Variants in USP19 observed in about 807,000 individuals in gnomAD.
The protein encoded by USP19 is ubiquitin specific peptidase 19.
USP19 carries 40 observed loss-of-function variants against 144.8 expected under a neutral mutation model. The ratio of observed to expected loss-of-function variants is 0.28; its 90% CI spans 0.21 to 0.36. The LOEUF (loss-of-function observed/expected upper bound fraction) is 0.36, where lower values mean the gene tolerates loss of function less well. Among genes scored for constraint, USP19 ranks in the 10% least tolerant of loss-of-function variants. USP19 has a pLI of 1.00. For synonymous variants in USP19, 701 were observed against 709.3 expected, an observed-to-expected ratio of 0.99 and a Z score of 0.19; for missense variants, 1,518 against 1,822.5, an observed-to-expected ratio of 0.83 and a Z score of 3.04.
In USP19 at chr3:49,114,621, A is replaced by C. The variant is rs561284533; in HGVS notation, c.2292+142T>G. The C allele has an allele frequency of 1.1e-6, 1 of 883,312 alleles. No homozygotes were observed. Among genetic ancestry groups the C allele is most frequent in the Admixed American group, 2.6e-5 (1 of 39,044 alleles). 54.7% of individuals were successfully genotyped at this position (883,312 alleles called of 1,614,324 possible). The stretch of plus-strand genomic sequence containing the variant: ...ACCCTGAGTGGGCTCTTCAGCCCAA[A>C]TAGAATCCTAAGGCCTCCCTGCCAG... On this transcript the variant is annotated intron_variant, in intron 15 of 26. Transcript: ENST00000417901. This position sits in a 1 kb window ranked among gnomAD's most constrained non-coding sequence, Gnocchi z 4.5.
intron 1 of USP19, among the ~76,000 whole-genome samples, chr3:49,119,802 C>T (rs959304405): frequency 2.6e-5 from 4 of 152,204 alleles, no homozygotes; most frequent in Admixed American, 2.6e-4. Context: ...GGCACTCCAC[C>T]TGCCTCCTGC....
chr3:49,111,168 TG>T lies in USP19; in HGVS notation c.3329-3del. The T allele has an allele frequency of 6.2e-7, 1 of 1,613,936 alleles. No homozygotes were observed. The highest frequency in any genetic ancestry group is 8.5e-7 in the Non-Finnish European group (1 of 1,180,034). ...CACCCAGCTCCAGTGGGGTGTCTCC[TG>T]GAGATTCGCAGGGAGAGAGGTCATG... On this transcript the variant is annotated splice_polypyrimidine_tract_variant and splice_region_variant and intron_variant, in intron 22 of 26. Coordinates refer to ENST00000417901, the MANE Select transcript of USP19 (RefSeq NM_001199161.2). The surrounding 1 kb of genome is among the most constrained non-coding windows in gnomAD (Gnocchi z 5.9).
chr3:49,108,843 T>C lies in USP19; in HGVS notation c.4039-315A>G. ...CAGGGGCCACAACCTCCCCACCCTC[T>C]CCCACCAGATGCATAAGCTGAGGCC... is the stretch of plus-strand genomic sequence containing the variant. On this transcript the variant is annotated intron_variant, in intron 26 of 26. Coordinates refer to ENST00000417901, the MANE Select transcript of USP19 (RefSeq NM_001199161.2). This position sits in a 1 kb window ranked among gnomAD's most constrained non-coding sequence, Gnocchi z 4.8. The C allele has an allele frequency of 1.4e-6, 2 of 1,456,518 alleles. No homozygotes were observed. The allele number at this position is 1,456,518 out of a possible 1,614,324, so 90.2% of individuals were successfully genotyped here.
chr3:49,108,964 C>A lies in USP19; in HGVS notation c.4039-436G>T. ...CAGCTGCCTGCAGGCGAGCTCATCTCCAGCGACTCTGGGATACCAGAGGAT... is the reference window on the plus strand; with the variant it reads ...CAGCTGCCTGCAGGCGAGCTCATCTACAGCGACTCTGGGATACCAGAGGAT... On this transcript the variant is annotated intron_variant, in intron 26 of 26. Transcript: ENST00000417901. The surrounding 1 kb of genome is among the most constrained non-coding windows in gnomAD (Gnocchi z 4.8). The A allele has an allele frequency of 1.2e-6, 2 of 1,609,336 alleles. No homozygotes were observed. Among genetic ancestry groups the A allele is most frequent in the Admixed American group, 1.7e-5 (1 of 59,434 alleles).
rs375228970 is a variant in USP19, at chr3:49,116,656, T to A, written c.1127-49A>T. ...CCCAACCAGGACAGGTTCCAGCCTA[T>A]TGCTACTCTCTATCCACCTACAAAC... On this transcript the variant is annotated intron_variant, in intron 7 of 26. Transcript: ENST00000417901. This position sits in a 1 kb window ranked among gnomAD's most constrained non-coding sequence, Gnocchi z 5.0. 18 of 1,611,994 alleles carry A rather than the reference T, an allele frequency of 1.1e-5. No individual in the cohort carries two copies. Among genetic ancestry groups the A allele is most frequent in the Non-Finnish European group, 1.4e-5 (16 of 1,178,740 alleles).
Position 49,110,292 on chromosome 3 carries a change from A to G in USP19, c.3930T>C (p.Tyr1310=). Residue 1310 remains tyrosine, a synonymous_variant, in exon 26 of 27, where the codon TAT becomes TAC. Transcript: ENST00000417901. This position sits in a 1 kb window ranked among gnomAD's most constrained non-coding sequence, Gnocchi z 6.1. ...AGTTCCGCCGGCGGTAGAAGAGTAC[A>G]TAGGCATAACGCGTCACAACCTGGC... The part of the protein sequence containing the change: ...DESQVVTRYA[Y]VLFYRRRNSP... 1.2e-6 allele frequency: 2 copies of G among 1,608,638 alleles called. No homozygotes were observed. The highest frequency in any genetic ancestry group is 2.2e-5 in the East Asian group (1 of 44,778).
chr3:49,118,088 G>T lies in USP19; in HGVS notation c.157C>A (p.Leu53Ile). 6.7e-7 allele frequency: 1 copy of T among 1,501,454 alleles called. No homozygotes were observed. Among genetic ancestry groups the T allele is most frequent in the South Asian group, 1.2e-5 (1 of 85,186 alleles). The allele number at this position is 1,501,454 out of a possible 1,614,324, so 93.0% of individuals were successfully genotyped here. Residue 53 changes from leucine (L) to isoleucine (I), a missense_variant, in exon 3 of 27, where the codon CTT becomes ATT. Coordinates refer to ENST00000417901, the MANE Select transcript of USP19 (RefSeq NM_001199161.2). ...GGATCACCTGAGGCCAGAGGTTCAAGACCAGCCTGGGCAACATATCGAGAC... is the reference window on the plus strand; with the variant it reads ...GGATCACCTGAGGCCAGAGGTTCAATACCAGCCTGGGCAACATATCGAGAC... The part of the protein sequence containing the change: ...TGSRYVAQAG[L>I]EPLASGDPSA...
chr3:49,116,282 G>A lies in USP19; in HGVS notation c.1353C>T (p.Leu451=), dbSNP rs1237567844. The A allele has an allele frequency of 7.4e-6, 12 of 1,613,796 alleles. No homozygotes were observed. The highest frequency in any genetic ancestry group is 8.5e-6 in the Non-Finnish European group (10 of 1,179,922). ...TGGTGGGGCCGGGCACCACCCACCT[G>A]AGCTTCACCTGCCAACGGAAGGTGG... ...PHTTFRWQVK[L]RNLIEPEQCT... is the part of the protein sequence containing the mutation. The change falls in exon 9 of 27, where the codon CTC becomes CTT. Residue 451 remains leucine (L), a splice_region_variant and synonymous_variant. Transcript: ENST00000417901. This position sits in a 1 kb window ranked among gnomAD's most constrained non-coding sequence, Gnocchi z 5.0.
At position 49,116,589 on chromosome 3, in the gene USP19, T is replaced by C. The variant is rs1166971653; in HGVS notation, c.1145A>G (p.Asn382Ser). The change falls in exon 8 of 27, where the codon AAC (asparagine) becomes AGC (serine). Residue 382 changes from asparagine to serine, a missense_variant. By Grantham distance (46) the Asn-to-Ser change is conservative. Transcript: ENST00000417901. This position sits in a 1 kb window ranked among gnomAD's most constrained non-coding sequence, Gnocchi z 5.0. ...TLVDEPESMV[N>S]LAFVKNDSYE... is the part of the protein sequence containing the mutation. ...CGAGTCATTCTTGACAAACGCCAGGTTCACCATCGACTCGGGCTCTATATT... is the reference window on the plus strand; with the variant it reads ...CGAGTCATTCTTGACAAACGCCAGGCTCACCATCGACTCGGGCTCTATATT... 1.2e-5 allele frequency: 19 copies of C among 1,613,940 alleles called. No individual in the cohort carries two copies. Among genetic ancestry groups the C allele is most frequent in the Non-Finnish European group, 1.4e-5 (16 of 1,180,020 alleles).
Position 49,117,348 on chromosome 3 carries a change from C to A in USP19, c.620G>T (p.Gly207Val). 2 of 1,594,588 alleles carry A rather than the reference C, an allele frequency of 1.3e-6. No homozygotes were observed. Among genetic ancestry groups the A allele is most frequent in the Non-Finnish European group, 1.7e-6 (2 of 1,167,528 alleles). ...CAGCCCCGGCACCAGCTCCTGGGTC[C>A]CTAGAGGTTTCTTCTGCCAAAGATA... Reference protein sequence around the residue: ...TWPSLLKKPLGTQELVPGLRC... With the variant: ...TWPSLLKKPLVTQELVPGLRC... The change falls in exon 6 of 27, where the codon GGG (glycine) becomes GTG (valine). Residue 207 changes from glycine to valine, a missense_variant. Physicochemically the swap from Gly to Val is moderately radical, Grantham distance 109. Around this residue, in one of 5 missense-constraint regions of USP19, gnomAD observed 707 missense variants for 728.9 expected, o/e 0.97. Coordinates refer to ENST00000417901, the MANE Select transcript of USP19 (RefSeq NM_001199161.2). This position sits in a 1 kb window ranked among gnomAD's most constrained non-coding sequence, Gnocchi z 4.4.
In USP19 at chr3:49,112,644, C is replaced by A. The variant is rs1436767978; in HGVS notation, c.2506-15G>T. On this transcript the variant is annotated splice_polypyrimidine_tract_variant and intron_variant, in intron 17 of 26. Coordinates refer to ENST00000417901, the MANE Select transcript of USP19 (RefSeq NM_001199161.2). This position sits in a 1 kb window ranked among gnomAD's most constrained non-coding sequence, Gnocchi z 4.9. The stretch of plus-strand genomic sequence containing the variant: ...TTCTTAATTACCTGGGGACAGAGAA[C>A]ACACAGATCCCACGTGAGGATAAGC... 2 of 1,608,206 alleles carry A rather than the reference C, an allele frequency of 1.2e-6. No homozygotes were observed. The highest frequency in any genetic ancestry group is 2.2e-5 in the South Asian group (2 of 90,348).
rs372783004 is a variant in USP19 at position 49,111,840 on chromosome 3, G to T, written c.2904-27C>A. Reference sequence around the variant, plus strand: ...TGGCAACAGAGAACAACGCAAGTAAGACTCCTGACCAGCCCATCTAGCACC... The same window carrying T: ...TGGCAACAGAGAACAACGCAAGTAATACTCCTGACCAGCCCATCTAGCACC... On this transcript the variant is annotated intron_variant, in intron 20 of 26. Transcript: ENST00000417901. This position sits in a 1 kb window ranked among gnomAD's most constrained non-coding sequence, Gnocchi z 5.9. 1.8e-4 allele frequency: 285 copies of T among 1,587,582 alleles called. No individual in the cohort carries two copies. Among genetic ancestry groups the T allele is most frequent in the Non-Finnish European group, 2.3e-4 (267 of 1,165,368 alleles).
rs764830954 is a variant in USP19 at position 49,116,484 on chromosome 3, C to T, written c.1250G>A (p.Arg417His). ...GAAGATGAGCGTGAAGTCCTGCTCA[C>T]GGAAAAGTACTCTTGAGGTGTCCCT... is the stretch of plus-strand genomic sequence containing the variant. ...ICRDTSRVLF[R>H]EQDFTLIFQT... The change falls in exon 8 of 27, where the codon CGT becomes CAT. Residue 417 changes from arginine to histidine, a missense_variant. Transcript: ENST00000417901. This position sits in a 1 kb window ranked among gnomAD's most constrained non-coding sequence, Gnocchi z 5.0. 3 of 1,614,210 alleles carry T rather than the reference C, an allele frequency of 1.9e-6. No individual in the cohort carries two copies. Among genetic ancestry groups the T allele is most frequent in the South Asian group, 1.1e-5 (1 of 91,088 alleles).
chr3:49,110,008 C>T lies in USP19; in HGVS notation c.4038+176G>A. The T allele has an allele frequency of 4.4e-6, 3 of 681,006 alleles. No homozygotes were observed. Among genetic ancestry groups the T allele is most frequent in the Non-Finnish European group, 6.6e-6 (3 of 456,924 alleles). The allele number at this position is 681,006 out of a possible 1,614,324, so 42.2% of individuals were successfully genotyped here. A position where few individuals can be genotyped will look rare whatever the true frequency, so the allele number is the denominator to read the frequency against. On this transcript the variant is annotated intron_variant, in intron 26 of 26. Transcript: ENST00000417901. The surrounding 1 kb of genome is among the most constrained non-coding windows in gnomAD (Gnocchi z 6.1). ...GTGTACTTGTATGTTTGTTAGTGTC[C>T]CCAAGGCATGGGGATGCCTCTGGCT...
chr3:49,110,102 G>A lies in USP19; in HGVS notation c.4038+82C>T, dbSNP rs1450678286. The A allele has an allele frequency of 4.5e-5, 64 of 1,407,846 alleles. No homozygotes were observed. Among genetic ancestry groups the A allele is most frequent in the Non-Finnish European group, 5.5e-5 (59 of 1,077,064 alleles). 87.2% of individuals were successfully genotyped at this position (1,407,846 alleles called of 1,614,324 possible). Reference sequence around the variant, plus strand: ...AAGGCTCAATGGGCCTGTGGCTGGAGGAGAGGAAGCTATATCCCCCAACCC... The same window carrying A: ...AAGGCTCAATGGGCCTGTGGCTGGAAGAGAGGAAGCTATATCCCCCAACCC... On this transcript the variant is annotated intron_variant, in intron 26 of 26. Coordinates refer to ENST00000417901, the MANE Select transcript of USP19 (RefSeq NM_001199161.2). This position sits in a 1 kb window ranked among gnomAD's most constrained non-coding sequence, Gnocchi z 6.1.
At position 49,118,024 on chromosome 3, in the gene USP19, G is replaced by A. The variant is rs772613950; in HGVS notation, c.221C>T (p.Ser74Leu). The A allele has an allele frequency of 6.2e-7, 1 of 1,602,540 alleles. No homozygotes were observed. Among genetic ancestry groups the A allele is most frequent in the East Asian group, 2.2e-5 (1 of 44,850 alleles). ...AAAGAACAGCCGGGTACGGTGGCGTGAGCCTGTGATCCCAGCTGCATGGGA... is the reference window on the plus strand; with the variant it reads ...AAAGAACAGCCGGGTACGGTGGCGTAAGCCTGTGATCCCAGCTGCATGGGA... ...SASHAAGITG[S>L]RHRTRLFFPS... The change falls in exon 3 of 27, where the codon TCA becomes TTA. Residue 74 changes from serine (S) to leucine (L), a missense_variant. By Grantham distance (145) the Ser-to-Leu change is moderately radical (BLOSUM62 -2). Around this residue, in one of 5 missense-constraint regions of USP19, gnomAD observed 707 missense variants for 728.9 expected, o/e 0.97. Coordinates refer to ENST00000417901, the MANE Select transcript of USP19 (RefSeq NM_001199161.2).
chr3:49,116,680 A>C lies in USP19; in HGVS notation c.1126+47T>G. 1 of 1,607,844 alleles carries C rather than the reference A, an allele frequency of 6.2e-7. No homozygotes were observed. Among genetic ancestry groups the C allele is most frequent in the South Asian group, 1.1e-5 (1 of 90,372 alleles). On this transcript the variant is annotated intron_variant, in intron 7 of 26. Coordinates refer to ENST00000417901, the MANE Select transcript of USP19 (RefSeq NM_001199161.2). This position sits in a 1 kb window ranked among gnomAD's most constrained non-coding sequence, Gnocchi z 5.0. ...ATTGCTACTCTCTATCCACCTACAA[A>C]CTTTGCAACCCAACCTAGGGCTCTG...
In USP19 at chr3:49,110,554, G is replaced by C. The variant is rs2042992936; in HGVS notation, c.3749C>G (p.Pro1250Arg). Residue 1250 changes from proline (P) to arginine (R), a missense_variant, in exon 25 of 27, where the codon CCC becomes CGC. Transcript: ENST00000417901. This position sits in a 1 kb window ranked among gnomAD's most constrained non-coding sequence, Gnocchi z 6.1. ...GATGACAGCATATAGATCGTAGCTG[G>C]GCAGCTGCTCCTCTTTCTGACCAAT... Reference protein sequence around the residue: ...FCIGQKEEQLPSYDLYAVINH... With the variant: ...FCIGQKEEQLRSYDLYAVINH... The C allele has an allele frequency of 6.2e-7, 1 of 1,614,038 alleles. No homozygotes were observed. The highest frequency in any genetic ancestry group is 8.5e-7 in the Non-Finnish European group (1 of 1,180,014).
At position 49,116,364 on chromosome 3, in the gene USP19, A is replaced by C. The variant is rs1215059621; in HGVS notation, c.1284-13T>G. On this transcript the variant is annotated splice_polypyrimidine_tract_variant and intron_variant, in intron 8 of 26. Coordinates refer to ENST00000417901, the MANE Select transcript of USP19 (RefSeq NM_001199161.2). The surrounding 1 kb of genome is among the most constrained non-coding windows in gnomAD (Gnocchi z 5.0). ...GAAGTTTCCATCCCTGCAGAGGCAC[A>C]GCAGGATAGGAGGAAGGACAAGAGG... 1 of 1,614,140 alleles carries C rather than the reference A, an allele frequency of 6.2e-7. No homozygotes were observed. The highest frequency in any genetic ancestry group is 2.2e-5 in the East Asian group (1 of 44,874).
Sources: allele counts gnomAD v4.1 joint callset (sites outside exome capture counted in the v4.1 genomes callset), GRCh38; gene constraint gnomAD v4.1.1; regional missense constraint gnomAD v4.1.1; non-coding constraint Gnocchi (gnomAD v3.1); transcripts MANE v1.5; gene names NCBI Gene and HGNC (gene_info 2026-07-23, HGNC 2026-07-21).